PLEKHG4: variants seen among roughly 807,000 people sequenced by gnomAD.
PLEKHG4 encodes the protein puratrophin-1.
PLEKHG4 carries 85 observed loss-of-function variants against 136.9 expected under a neutral mutation model. The observed-to-expected ratio is 0.62, with a 90% CI of 0.52 to 0.74. PLEKHG4 has a LOEUF of 0.74. PLEKHG4 is among the 30% of genes least tolerant of loss of function. The pLI, the probability that PLEKHG4 is intolerant of heterozygous loss-of-function variation, is 0.00. For missense variants in PLEKHG4, 1,317 were observed against 1,527.8 expected (o/e 0.86, Z 2.30); for synonymous variants, 577 against 646.9 (o/e 0.89, Z 1.64).
At position 67,280,775 on chromosome 16, in the gene PLEKHG4, G is replaced by C. The variant is rs745704914; in HGVS notation, c.564G>C (p.Glu188Asp). The C allele has an allele frequency of 2.9e-5, 47 of 1,614,006 alleles. No homozygotes were observed. Among genetic ancestry groups the C allele is most frequent in the Non-Finnish European group, 3.9e-5 (46 of 1,180,042 alleles). Residue 188 changes from glutamate (E) to aspartate (D), a missense_variant, in exon 3 of 22, where the codon GAG becomes GAC. Glu to Asp is a conservative substitution (Grantham distance 45). Transcript: ENST00000379344. The surrounding 1 kb of genome is among the most constrained non-coding windows in gnomAD (Gnocchi z 4.4). The part of the protein sequence containing the change: ...DCLLAQDLCW[E>D]LLASGMATLP... The stretch of plus-strand genomic sequence containing the variant: ...TCCTGGCCCAAGACCTCTGTTGGGA[G>C]CTGCTGGCCAGTGGTATGGCCACCT...
chr16:67,285,013 GCTGCAC>G lies in PLEKHG4; in HGVS notation c.1998_2003del (p.Pro667_Ala668del). 1.9e-6 allele frequency: 3 copies of G among 1,613,534 alleles called. No homozygotes were observed. The highest frequency in any genetic ancestry group is 2.5e-6 in the Non-Finnish European group (3 of 1,179,886). ...TAGCCTGTGTGTCAGCCAGGTCCCCGCTGCACCTGCCCACCCTCCCCTGAGGAAGGC... is the reference window on the plus strand; with the variant it reads ...TAGCCTGTGTGTCAGCCAGGTCCCCGCTGCCCACCCTCCCCTGAGGAAGGC... On this transcript the variant is annotated inframe_deletion, in exon 13 of 22. Coordinates refer to ENST00000379344, the MANE Select transcript of PLEKHG4 (RefSeq NM_001129729.3).
At position 67,282,979 on chromosome 16, in the gene PLEKHG4, G is replaced by A. The variant is rs1644358253; in HGVS notation, c.1509+121G>A. On this transcript the variant is annotated intron_variant, in intron 11 of 21. Coordinates refer to ENST00000379344, the MANE Select transcript of PLEKHG4 (RefSeq NM_001129729.3). ...TCTTAGACCTTATAGTCCCATAGAA[G>A]ATATCAGTTGTAATTAATCACAGTC... The A allele has an allele frequency of 3.9e-6, 3 of 762,920 alleles. No homozygotes were observed. In the East Asian group the frequency reaches 7.8e-5, roughly 20 times the overall value. The allele number at this position is 762,920 out of a possible 1,614,324, so 47.3% of individuals were successfully genotyped here. A position where few individuals can be genotyped will look rare whatever the true frequency, so the allele number is the denominator to read the frequency against.
intron 11 of PLEKHG4, among the ~76,000 whole-genome samples, chr16:67,283,554 G>A (rs2036324005): frequency 6.6e-6 from 1 of 152,198 alleles, no homozygotes; most frequent in Non-Finnish European, 1.5e-5. Flanking sequence ...ACGGGTTGGA[G>A]AAGTTGATGG....
Position 67,284,340 on chromosome 16 carries a change from C to G in PLEKHG4, c.1575C>G (p.Asp525Glu), listed in dbSNP as rs530586671. Residue 525 changes from aspartate to glutamate, a missense_variant, in exon 12 of 22, where the codon GAC (aspartate) becomes GAG (glutamate). By Grantham distance (45) the Asp-to-Glu change is conservative. Coordinates refer to ENST00000379344, the MANE Select transcript of PLEKHG4 (RefSeq NM_001129729.3). This position sits in a 1 kb window ranked among gnomAD's most constrained non-coding sequence, Gnocchi z 4.4. ...PLTGWEAAEL[D>E]PPGARFLALR... ...CTGGCTGGGAGGCGGCTGAACTGGA[C>G]CCCCCTGGGGCACGCTTTCTGGCCC... The G allele has an allele frequency of 9.3e-6, 15 of 1,612,174 alleles. No homozygotes were observed. In the Admixed American group the frequency reaches 2.5e-4, roughly 27 times the overall value.
Position 67,282,492 on chromosome 16 carries a change from C to T in PLEKHG4, c.1254-11C>T, listed in dbSNP as rs2036280231. The T allele has an allele frequency of 6.2e-7, 1 of 1,613,690 alleles. No individual in the cohort carries two copies. Among genetic ancestry groups the T allele is most frequent in the Admixed American group, 1.7e-5 (1 of 60,000 alleles). On this transcript the variant is annotated splice_polypyrimidine_tract_variant and intron_variant, in intron 9 of 21. Coordinates refer to ENST00000379344, the MANE Select transcript of PLEKHG4 (RefSeq NM_001129729.3). Reference sequence around the variant, plus strand: ...AAGGCAGGGGGTCTAAGATGGTATACCCTACACCAGGACGGCAATGGACAA... The same window carrying T: ...AAGGCAGGGGGTCTAAGATGGTATATCCTACACCAGGACGGCAATGGACAA...
rs1441308840 is a variant in PLEKHG4, at chr16:67,288,963, T to C, written c.*155T>C. On this transcript the variant is annotated 3_prime_UTR_variant, in exon 22 of 22. Coordinates refer to ENST00000379344, the MANE Select transcript of PLEKHG4 (RefSeq NM_001129729.3). Reference sequence around the variant, plus strand: ...CTACCCTTTCTGATGTGTGTGGCCATTGGACTAACTGGCACGGGGCCTCTC... The same window carrying C: ...CTACCCTTTCTGATGTGTGTGGCCACTGGACTAACTGGCACGGGGCCTCTC... 2.3e-6 allele frequency: 2 copies of C among 864,524 alleles called. No individual in the cohort carries two copies. The highest frequency in any genetic ancestry group is 2.6e-5 in the East Asian group (1 of 37,768). 53.6% of individuals were successfully genotyped at this position (864,524 alleles called of 1,614,324 possible). A position where few individuals can be genotyped will look rare whatever the true frequency, so the allele number is the denominator to read the frequency against.
At position 67,282,292 on chromosome 16, in the gene PLEKHG4, G is replaced by A. The variant is rs778276820; in HGVS notation, c.1196G>A (p.Arg399Gln). 141 of 1,613,064 alleles carry A rather than the reference G, an allele frequency of 8.7e-5. 1 individual carries two copies. The highest frequency in any genetic ancestry group is 4.1e-4 in the South Asian group (37 of 91,082). The change falls in exon 9 of 22, where the codon CGG becomes CAG. Residue 399 changes from arginine to glutamine, a missense_variant. Transcript: ENST00000379344. ...GCATGGCTACAATGCCAGGGGGGCC[G>A]GGAGCTGACATGGCTGAAGCAAGAG... ...WLAWLQCQGG[R>Q]ELTWLKQEVP... is the part of the protein sequence containing the mutation.
Position 67,288,227 on chromosome 16 carries a change from G to T in PLEKHG4, c.3281G>T (p.Gly1094Val). The change falls in exon 20 of 22, where the codon GGG becomes GTG. Residue 1094 changes from glycine to valine, a missense_variant. Transcript: ENST00000379344. ...TTTGACCATGACAGCCTCTACCTGG[G>T]GGCCTCGAACTCCCTTCCTGGAGAC... ...APFDHDSLYLGASNSLPGDPA... is the reference protein window; with the variant it reads ...APFDHDSLYLVASNSLPGDPA... The T allele has an allele frequency of 6.2e-7, 1 of 1,613,994 alleles. No individual in the cohort carries two copies. Among genetic ancestry groups the T allele is most frequent in the African/African-American group, 1.3e-5 (1 of 75,036 alleles).
chr16:67,285,580 TC>T (rs770911033), intron 14 of PLEKHG4, 44 bp downstream of exon 14: 2 of 1,599,012 alleles, frequency 1.3e-6, no homozygotes, highest in East Asian at 2.2e-5. Context: ...TCTGCCACAC[TC>T]CCGAAGTTGC....
Position 67,282,025 on chromosome 16 carries a change from T to A in PLEKHG4, c.1022T>A (p.Leu341Gln). The part of the protein sequence containing the change: ...LDFRRRLEAL[L>Q]QNCQAACALL... ...TGCTTACAGCGGCTGGAAGCTCTAC[T>A]ACAGAACTGCCAGGCAGCTTGTGCC... Residue 341 changes from leucine to glutamine, a missense_variant, in exon 8 of 22, where the codon CTA becomes CAA. Transcript: ENST00000379344. 6.2e-7 allele frequency: 1 copy of A among 1,613,268 alleles called. No individual in the cohort carries two copies. The highest frequency in any genetic ancestry group is 8.5e-7 in the Non-Finnish European group (1 of 1,179,880).
Position 67,286,320 on chromosome 16 carries a change from G to A in PLEKHG4, c.2489G>A (p.Arg830His), listed in dbSNP as rs3868142. 0.1 allele frequency: 166,834 copies of A among 1,613,356 alleles called. 18,351 individuals are homozygous for A. Among genetic ancestry groups the A allele is most frequent in the African/African-American group, 0.57 (42,695 of 74,892 alleles). ...MYALYSKNKP[R>H]SDALMSSYGH... is the part of the protein sequence containing the mutation. The stretch of plus-strand genomic sequence containing the variant: ...GCGCTCTACAGCAAGAATAAGCCTC[G>A]CTCCGATGCCCTGATGTCAAGCTAT... The change falls in exon 15 of 22, where the codon CGC becomes CAC. Residue 830 changes from arginine (R) to histidine (H), a missense_variant. Coordinates refer to ENST00000379344, the MANE Select transcript of PLEKHG4 (RefSeq NM_001129729.3).
At chr16:67,287,633 TC>T in intron 18 of PLEKHG4, 1 of 548,914 alleles carries the variant, frequency 1.8e-6, no homozygotes, top group South Asian at 2.0e-5. Context: ...GCTCAAACAA[TC>T]CTCCTACCTC....
At position 67,284,912 on chromosome 16, in the gene PLEKHG4, G is replaced by A. The variant is rs760420600; in HGVS notation, c.1892G>A (p.Arg631Gln). ...IRQECRWAWA[R>Q]CQDTWLALDQ... Reference sequence around the variant, plus strand: ...CAGGAGTGCCGCTGGGCCTGGGCGCGGTGCCAGGACACCTGGCTGGCCCTG... The same window carrying A: ...CAGGAGTGCCGCTGGGCCTGGGCGCAGTGCCAGGACACCTGGCTGGCCCTG... The change falls in exon 13 of 22, where the codon CGG (arginine) becomes CAG (glutamine). Residue 631 changes from arginine (R) to glutamine (Q), a missense_variant. Arg to Gln is a conservative substitution (Grantham distance 43, BLOSUM62 1). Transcript: ENST00000379344. This position sits in a 1 kb window ranked among gnomAD's most constrained non-coding sequence, Gnocchi z 4.4. 21 of 1,612,538 alleles carry A rather than the reference G, an allele frequency of 1.3e-5. No individual in the cohort carries two copies. The highest frequency in any genetic ancestry group is 6.7e-5 in the East Asian group (3 of 44,870).
rs909122663 is a variant in PLEKHG4 at position 67,284,286 on chromosome 16, G to T, written c.1521G>T (p.Arg507Ser). Residue 507 changes from arginine to serine, a missense_variant, in exon 12 of 22, where the codon AGG (arginine) becomes AGT (serine). Physicochemically the swap from Arg to Ser is moderately radical, Grantham distance 110. Coordinates refer to ENST00000379344, the MANE Select transcript of PLEKHG4 (RefSeq NM_001129729.3). The surrounding 1 kb of genome is among the most constrained non-coding windows in gnomAD (Gnocchi z 4.4). ...CTCTGTCTCTGCAGGAGCAGGTCAG[G>T]CAAGGGGAGAAGTTTCTGCAGCCGC... ...ELYQVAQEQV[R>S]QGEKFLQPLT... The T allele has an allele frequency of 1.2e-6, 2 of 1,613,868 alleles. No individual in the cohort carries two copies. Among genetic ancestry groups the T allele is most frequent in the Non-Finnish European group, 1.7e-6 (2 of 1,179,940 alleles).
intron 1 of PLEKHG4, 99 bp downstream of exon 1, chr16:67,279,725 G>GA: frequency 3.6e-6 from 1 of 280,234 alleles, no homozygotes; most frequent in Non-Finnish European, 6.8e-6. Context: ...GAGGCATCGT[G>GA]GTGCCATGGC....
At chr16:67,287,773 T>C (rs2036543978) in intron 18 of PLEKHG4, 125 bp from the exon 19 acceptor site, 1 of 749,174 alleles carries the variant, frequency 1.3e-6, no homozygotes, top group Non-Finnish European at 2.5e-6. Context: ...CTAGAAAGGC[T>C]CAGCTCACAG....
chr16:67,287,954 A>T lies in PLEKHG4; in HGVS notation c.3160A>T (p.Ile1054Phe). ...TGTGGGGAACAAGGCCTTCCGAGACATTGCTCCCAGCGAGGAAGCCATCAA... is the reference window on the plus strand; with the variant it reads ...TGTGGGGAACAAGGCCTTCCGAGACTTTGCTCCCAGCGAGGAAGCCATCAA... Reference protein sequence around the residue: ...MGVGNKAFRDIAPSEEAINDR... With the variant: ...MGVGNKAFRDFAPSEEAINDR... The change falls in exon 19 of 22, where the codon ATT (isoleucine) becomes TTT (phenylalanine). Residue 1054 changes from isoleucine to phenylalanine, a missense_variant. Ile to Phe is a conservative substitution (Grantham distance 21, BLOSUM62 0). Transcript: ENST00000379344. 1 of 1,613,482 alleles carries T rather than the reference A, an allele frequency of 6.2e-7. No homozygotes were observed. The highest frequency in any genetic ancestry group is 1.1e-5 in the South Asian group (1 of 91,054).
intron 1 of PLEKHG4, 116 bp from the exon 2 acceptor site, chr16:67,279,760 C>T (rs2036125130): frequency 2.4e-6 from 1 of 411,316 alleles, no homozygotes; most frequent in Non-Finnish European, 4.4e-6. Flanking sequence ...GGGCATGGGC[C>T]TGCAGAGCGT....
chr16:67,287,612 T>TG (rs2036535862), intron 18 of PLEKHG4: 1 of 527,716 alleles, frequency 1.9e-6, no homozygotes, highest in Non-Finnish European at 3.4e-6. Flanking sequence ...AGACTGGTCT[T>TG]GAACTCCTGG....
Sources: gnomAD v4.1 joint callset for allele counts (sites outside exome capture counted in the v4.1 genomes callset) on GRCh38, gnomAD v4.1.1 for gene constraint, Gnocchi (gnomAD v3.1) non-coding constraint, MANE v1.5 for transcripts, NCBI Gene and HGNC (gene_info 2026-07-23, HGNC 2026-07-21) for gene names.